Variants in MTA3 observed in about 807,000 individuals in gnomAD.
The protein encoded by MTA3 is metastasis-associated protein MTA3.
In MTA3, 34 loss-of-function variants were observed where a neutral mutation model predicts 83.5. That is an observed-to-expected ratio of 0.41 (90% CI 0.31 to 0.54). The LOEUF (loss-of-function observed/expected upper bound fraction) is 0.54. Ranked by LOEUF, MTA3 falls within the 20% of genes least tolerant of loss-of-function variation. The pLI is 0.33. For missense variants in MTA3, 761 were observed against 726.4 expected (o/e 1.05, Z -0.55); for synonymous variants, 303 against 252.7 (o/e 1.20, Z -1.89).
In MTA3 at chr2:42,512,073, T is replaced by C. The variant is rs141803941; in HGVS notation, c.-141+16819T>C. Among the ~76,000 whole-genome samples the C allele has an allele frequency of 1.4e-4, 21 of 150,998 alleles. No homozygotes were observed. In the East Asian group the frequency reaches 3.9e-3, roughly 28 times the overall value. Reference sequence around the variant, plus strand: ...AAAAAATAATTATAATAATATTTTCTGTGGAAACCTGAGAAGTATAGCAAT... The same window carrying C: ...AAAAAATAATTATAATAATATTTTCCGTGGAAACCTGAGAAGTATAGCAAT... On this transcript the variant is annotated intron_variant, in intron 2 of 17. Coordinates refer to the MTA3 transcript ENST00000405592.
chr2:42,637,301 C>T (rs1029326869), intron 4 of MTA3, among the ~76,000 whole-genome samples: 1 of 152,154 alleles, frequency 6.6e-6, no homozygotes, highest in Non-Finnish European at 1.5e-5. Context: ...CTTTGATACA[C>T]TTCATATCAT....
intron 7 of MTA3, among the ~76,000 whole-genome samples, chr2:42,657,463 T>C (rs1473562645): frequency 1.3e-5 from 2 of 152,202 alleles, no homozygotes; most frequent in African/African-American, 4.8e-5. Context: ...CCAGACAGGC[T>C]GTCTAGATTG....
chr2:42,523,139 C>G (rs1430590194), intron 2 of MTA3, among the ~76,000 whole-genome samples: 1 of 152,118 alleles, frequency 6.6e-6, no homozygotes, highest in African/African-American at 2.4e-5. Flanking sequence ...AGTGTTTATC[C>G]TAAAGGGGCT....
At chr2:42,685,722 T>G (rs973439509) in intron 9 of MTA3, among the ~76,000 whole-genome samples, 6 of 152,200 alleles carry the variant, frequency 3.9e-5, no homozygotes, top group Non-Finnish European at 8.8e-5. Context: ...TTGTTGTATT[T>G]TGGAGACTGG....
At chr2:42,603,546 A>G (rs996019737) in intron 3 of MTA3, among the ~76,000 whole-genome samples, 47 of 152,218 alleles carry the variant, frequency 3.1e-4, no homozygotes, top group Admixed American at 2.9e-3. Context: ...CTGATTTGCT[A>G]TAGAATAACT....
At chr2:42,662,368 T>C (rs1306188706) in intron 8 of MTA3, among the ~76,000 whole-genome samples, 1 of 151,650 alleles carries the variant, frequency 6.6e-6, no homozygotes, top group Non-Finnish European at 1.5e-5. Context: ...TTGTTTTTTC[T>C]AATGGTTTTA....
At chr2:42,687,576 G>A (rs1015157190) in intron 9 of MTA3, among the ~76,000 whole-genome samples, 8 of 152,186 alleles carry the variant, frequency 5.3e-5, no homozygotes, top group African/African-American at 1.4e-4. Context: ...AATATGAGCC[G>A]TGGGGTTGCT....
At chr2:42,669,696 T>G (rs1690623653) in intron 8 of MTA3, among the ~76,000 whole-genome samples, 1 of 152,216 alleles carries the variant, frequency 6.6e-6, no homozygotes, top group South Asian at 2.1e-4. Context: ...CGCTGCAGAC[T>G]ATCCTAGGAG....
chr2:42,731,622 G>C (rs1267169170), intron 16 of MTA3, among the ~76,000 whole-genome samples: 1 of 152,116 alleles, frequency 6.6e-6, no homozygotes, highest in Non-Finnish European at 1.5e-5. Context: ...TGGGAATTCT[G>C]GGAGATACAA....
intron 4 of MTA3, among the ~76,000 whole-genome samples, chr2:42,613,455 G>C (rs563944900): frequency 1.8e-4 from 28 of 152,218 alleles, no homozygotes; most frequent in Non-Finnish European, 3.4e-4. Context: ...ATGGAGCTGT[G>C]CTAACCAGCC....
At chr2:42,555,725 G>C (rs982205908) in intron 2 of MTA3, among the ~76,000 whole-genome samples, 2 of 151,918 alleles carry the variant, frequency 1.3e-5, no homozygotes, top group African/African-American at 2.4e-5. Context: ...CCAACAGGGT[G>C]CTACTGCATT....
chr2:42,735,755 G>A (rs1668563379), intron 16 of MTA3, among the ~76,000 whole-genome samples: 1 of 152,144 alleles, frequency 6.6e-6, no homozygotes, highest in African/African-American at 2.4e-5. Context: ...AGACTCTGAT[G>A]TATTTTTCAG....
intron 4 of MTA3, among the ~76,000 whole-genome samples, chr2:42,633,458 G>A (rs7594977): frequency 0.75 from 114,165 of 151,840 alleles, 43,260 homozygotes; most frequent in South Asian, 0.88. Context: ...TCATGCCTGT[G>A]GTCCCAATTA....
chr2:42,507,450 C>T (rs1335672933), intron 2 of MTA3, among the ~76,000 whole-genome samples: 2 of 151,820 alleles, frequency 1.3e-5, no homozygotes, highest in Non-Finnish European at 2.9e-5. Flanking sequence ...CAGGCATGAG[C>T]CACTGTGCCT....
At chr2:42,570,365 T>G (rs1678328709) in intron 1 of MTA3, 72 bp from the exon 2 acceptor site, 3 of 951,758 alleles carry the variant, frequency 3.2e-6, no homozygotes, top group African/African-American at 3.3e-5. Context: ...ATGCCTAACA[T>G]AAAAAGTCTT....
At chr2:42,631,770 A>G (rs1008197568) in intron 4 of MTA3, among the ~76,000 whole-genome samples, 3 of 151,902 alleles carry the variant, frequency 2.0e-5, no homozygotes, top group African/African-American at 4.8e-5. Context: ...GCTCATTGCA[A>G]CCTCCACCTC....
chr2:42,617,901 G>T (rs1685097335), intron 4 of MTA3, among the ~76,000 whole-genome samples: 1 of 151,830 alleles, frequency 6.6e-6, no homozygotes, highest in South Asian at 2.1e-4. Context: ...TTCTGATGAA[G>T]GGAGCATTGA....
chr2:42,752,238 G>C (rs772748576), intron 16 of MTA3: 1 of 471,420 alleles, frequency 2.1e-6, no homozygotes, highest in East Asian at 6.9e-5. Flanking sequence ...TCCTAGAAAA[G>C]CTCATGAAGT....
chr2:42,528,351 C>T (rs1442500527), intron 2 of MTA3, among the ~76,000 whole-genome samples: 1 of 152,106 alleles, frequency 6.6e-6, no homozygotes, highest in Non-Finnish European at 1.5e-5. Context: ...TCCCAAGTAG[C>T]TGGGATTACA....
Sources: gnomAD v4.1 joint callset for allele counts (sites outside exome capture counted in the v4.1 genomes callset) on GRCh38, gnomAD v4.1.1 for gene constraint, MANE v1.5 for transcripts, NCBI Gene and HGNC (gene_info 2026-07-23, HGNC 2026-07-21) for gene names.